SBF2: variants seen among roughly 807,000 people sequenced by gnomAD.
SBF2 encodes myotubularin-related protein 13.
A neutral mutation model predicts 225.2 loss-of-function variants in SBF2; 112 were observed. The ratio of observed to expected loss-of-function variants is 0.50; its 90% CI spans 0.43 to 0.58. SBF2 has a LOEUF of 0.58. SBF2 is among the 20% of genes least tolerant of loss of function. The pLI is 0.00. For missense variants in SBF2, 1,996 were observed against 2,206.2 expected (o/e 0.90, Z 1.91); for synonymous variants, 763 against 773.3 (o/e 0.99, Z 0.22).
chr11:10,138,569 C>T (rs547091100), intron 2 of SBF2, among the ~76,000 whole-genome samples: 2 of 151,082 alleles, frequency 1.3e-5, no homozygotes, highest in South Asian at 2.1e-4. Context: ...CAATTTTAGA[C>T]TTTTCCTCTT....
intron 1 of SBF2, among the ~76,000 whole-genome samples, chr11:10,264,625 T>G (rs1961772055): frequency 6.6e-6 from 1 of 152,196 alleles, no homozygotes; most frequent in African/African-American, 2.4e-5. Flanking sequence ...GAGGTACATG[T>G]GCAGAACGTG....
intron 27 of SBF2, 113 bp downstream of exon 27, chr11:9,832,111 T>TG (rs1438155845): frequency 3.0e-5 from 27 of 902,388 alleles, no homozygotes; most frequent in Non-Finnish European, 4.6e-5. Flanking sequence ...TGGAAAAGTT[T>TG]GTGTGTGAGA....
intron 26 of SBF2, among the ~76,000 whole-genome samples, chr11:9,837,012 G>A (rs1181560618): frequency 1.3e-5 from 2 of 152,020 alleles, no homozygotes; most frequent in Non-Finnish European, 2.9e-5. Context: ...TTTTCTACAT[G>A]TGCATTTTGG....
intron 2 of SBF2, among the ~76,000 whole-genome samples, chr11:10,145,018 C>T (rs1437960512): frequency 6.6e-6 from 1 of 152,146 alleles, no homozygotes; most frequent in Non-Finnish European, 1.5e-5. Context: ...CCAAACATAG[C>T]TTAAATTAAG....
At chr11:10,240,955 A>G (rs995636660) in intron 1 of SBF2, among the ~76,000 whole-genome samples, 17 of 152,266 alleles carry the variant, frequency 1.1e-4, no homozygotes, top group African/African-American at 3.9e-4. Flanking sequence ...TTTAATATCT[A>G]AAGATATACC....
At chr11:9,783,351 A>AGTCT (rs542481671) in intron 38 of SBF2, among the ~76,000 whole-genome samples, 84 of 152,376 alleles carry the variant, frequency 5.5e-4, no homozygotes, top group African/African-American at 2.0e-3. Flanking sequence ...CTCCAAATAC[A>AGTCT]GTCTTCATTT....
At chr11:10,078,556 AT>A (rs772939348) in intron 2 of SBF2, among the ~76,000 whole-genome samples, 1 of 151,680 alleles carries the variant, frequency 6.6e-6, no homozygotes, top group Non-Finnish European at 1.5e-5. Flanking sequence ...ACATGTTCTC[AT>A]TCATAAGTGG....
chr11:9,899,604 C>T (rs1861556038), intron 16 of SBF2, among the ~76,000 whole-genome samples: 1 of 151,692 alleles, frequency 6.6e-6, no homozygotes. Flanking sequence ...TTATCCAATC[C>T]TTTGATTCTT....
chr11:10,221,781 G>C (rs1958347601), intron 1 of SBF2, among the ~76,000 whole-genome samples: 1 of 152,222 alleles, frequency 6.6e-6, no homozygotes, highest in Non-Finnish European at 1.5e-5. Context: ...GTCAGTACTT[G>C]GAAGAGTATG....
At chr11:10,247,179 C>G (rs150240996) in intron 1 of SBF2, among the ~76,000 whole-genome samples, 1,549 of 152,092 alleles carry the variant, frequency 0.01, 31 homozygotes, top group African/African-American at 0.036. Context: ...CACATTATTA[C>G]CAAAAAATGA....
At chr11:10,098,679 GCACACA>G (rs56244507) in intron 2 of SBF2, among the ~76,000 whole-genome samples, 12,642 of 130,844 alleles carry the variant, frequency 0.097, 693 homozygotes, top group Non-Finnish European at 0.12. Context: ...GACAAAAAAT[GCACACA>G]CACACACACA....
chr11:10,162,724 T>C (rs763803037), intron 2 of SBF2, among the ~76,000 whole-genome samples: 36 of 152,308 alleles, frequency 2.4e-4, no homozygotes, highest in East Asian at 1.2e-3. Flanking sequence ...ATTTAAAACA[T>C]TGAATGAACA....
rs1285124649 is a variant in SBF2, at chr11:9,780,219, A to G, written c.*199T>C. ...ATTTAGTGCAAGATACAGGGAGTGC[A>G]TGGGGCTGTTGACCAGACCTGTGTG... is the stretch of plus-strand genomic sequence containing the variant. On this transcript the variant is annotated 3_prime_UTR_variant, in exon 40 of 40. Coordinates refer to ENST00000256190, the MANE Select transcript of SBF2 (RefSeq NM_030962.4). 3.2e-6 allele frequency: 2 copies of G among 627,014 alleles called. No homozygotes were observed. Among genetic ancestry groups the G allele is most frequent in the African/African-American group, 1.8e-5 (1 of 55,060 alleles). 38.8% of individuals were successfully genotyped at this position (627,014 alleles called of 1,614,324 possible). A position where few individuals can be genotyped will look rare whatever the true frequency, so the allele number is the denominator to read the frequency against.
intron 3 of SBF2, among the ~76,000 whole-genome samples, chr11:10,036,199 G>A (rs560861571): frequency 2.6e-5 from 4 of 152,224 alleles, no homozygotes; most frequent in African/African-American, 9.6e-5. Flanking sequence ...CTCATAAGTG[G>A]GAGTTGAACA....
chr11:10,008,098 C>T (rs1948277869), intron 6 of SBF2, among the ~76,000 whole-genome samples: 1 of 152,194 alleles, frequency 6.6e-6, no homozygotes, highest in Non-Finnish European at 1.5e-5. Flanking sequence ...GGAGCCATCA[C>T]AGTTCCTCCG....
At chr11:9,796,079 T>C in intron 32 of SBF2, 122 bp from the exon 33 acceptor site, 1 of 953,336 alleles carries the variant, frequency 1.0e-6, no homozygotes, top group South Asian at 1.4e-5. Flanking sequence ...AACAAATACC[T>C]GAATCCCTAC....
rs534575226 is a variant in SBF2 at position 9,868,922 on chromosome 11, A to G, written c.1930-10526T>C. On this transcript the variant is annotated intron_variant, in intron 17 of 39. Transcript: ENST00000256190. ...ACATCTGTTTGTCTCTCCTTTTGTT[A>G]TGTTAGAGGATGTTGATTGTCAATG... Among the ~76,000 whole-genome samples, 225 of 152,310 alleles carry G rather than the reference A, an allele frequency of 1.5e-3. 1 individual carries two copies. The highest frequency in any genetic ancestry group is 2.7e-3 in the Non-Finnish European group (185 of 68,008).
chr11:10,155,598 G>A (rs1209545039), intron 2 of SBF2, among the ~76,000 whole-genome samples: 1 of 152,056 alleles, frequency 6.6e-6, no homozygotes, highest in Non-Finnish European at 1.5e-5. Flanking sequence ...AGAGGGGAAG[G>A]TCATACATAT....
chr11:10,252,287 A>T (rs1358151185), intron 1 of SBF2, among the ~76,000 whole-genome samples: 2 of 152,272 alleles, frequency 1.3e-5, no homozygotes, highest in Non-Finnish European at 2.9e-5. Context: ...GAAAATGACC[A>T]AAAGTGGGAA....
Sources: gnomAD v4.1 joint callset for allele counts (sites outside exome capture counted in the v4.1 genomes callset) on GRCh38, gnomAD v4.1.1 for gene constraint, MANE v1.5 for transcripts, NCBI Gene and HGNC (gene_info 2026-07-23, HGNC 2026-07-21) for gene names.